The following RSAD2 variants were observed in gnomAD, a reference collection of about 807,000 sequenced individuals.
The protein encoded by RSAD2 is S-adenosylmethionine-dependent nucleotide dehydratase RSAD2.
In RSAD2, 38 loss-of-function variants were observed where a neutral mutation model predicts 37.7. The observed-to-expected ratio is 1.01, with a 90% CI of 0.78 to 1.32. The LOEUF (loss-of-function observed/expected upper bound fraction) is 1.32, where lower values mean the gene tolerates loss of function less well. Ranked by LOEUF, RSAD2 falls within the 40% of genes most tolerant of loss-of-function variation. The probability of loss-of-function intolerance (pLI) is 0.00; values close to 1 mark genes in which losing one functional copy is unlikely to be tolerated. For missense variants in RSAD2, 428 were observed against 437.5 expected (o/e 0.98, Z 0.19); for synonymous variants, 163 against 157.4 (o/e 1.04, Z -0.27).
chr2:6,882,458 AC>A (rs1271567661), intron 1 of RSAD2, among the ~76,000 whole-genome samples: 2 of 152,134 alleles, frequency 1.3e-5, no homozygotes, highest in African/African-American at 2.4e-5. Flanking sequence ...CCAAAATGAG[AC>A]CAAAAAATCA....
Position 6,896,844 on chromosome 2 carries a change from T to A in RSAD2, c.*902T>A, listed in dbSNP as rs1384147615. 1 of 152,222 alleles carries A rather than the reference T, an allele frequency of 6.6e-6. No homozygotes were observed. Among genetic ancestry groups the A allele is most frequent in the Non-Finnish European group, 1.5e-5 (1 of 68,054 alleles). 9.4% of individuals were successfully genotyped at this position (152,222 alleles called of 1,614,324 possible). On this transcript the variant is annotated 3_prime_UTR_variant, in exon 6 of 6. Coordinates refer to ENST00000382040, the MANE Select transcript of RSAD2 (RefSeq NM_080657.5). ...TGGAGGCAGTGCTTGCATTGCTTTG[T>A]TCGCCTATCATCTGGCCACATGAGG...
In RSAD2 at chr2:6,866,372, T is replaced by TCTCACCTGTGCACTCA. The variant is rs1454539491; in HGVS notation, c.142+341_142+356dup. On this transcript the variant is annotated intron_variant, in intron 1 of 5. Coordinates refer to the RSAD2 transcript ENST00000442639. ...TGGCTCTTCCCTCTCCTGTATCTTA[T>TCTCACCTGTGCACTCA]CTCACCTGTGCACTCACTCACCTGT... 9 of 908,364 alleles carry TCTCACCTGTGCACTCA rather than the reference T, an allele frequency of 9.9e-6. No homozygotes were observed. The African/African-American group carries it at 1.4e-4, about 14-fold the overall frequency. 56.3% of individuals were successfully genotyped at this position (908,364 alleles called of 1,614,324 possible). A position where few individuals can be genotyped will look rare whatever the true frequency, so the allele number is the denominator to read the frequency against.
intron 1 of RSAD2, chr2:6,879,095 T>C: frequency 2.2e-6 from 1 of 455,868 alleles, no homozygotes; most frequent in South Asian, 1.5e-5. Context: ...GATCCTGTAC[T>C]TTATATAAAT....
At chr2:6,885,951 C>T (rs73156071) in intron 2 of RSAD2, among the ~76,000 whole-genome samples, 1,605 of 152,028 alleles carry the variant, frequency 0.011, 21 homozygotes, top group Middle Eastern at 0.031. Flanking sequence ...ATTTTGAGGG[C>T]GTATGTTACA....
At chr2:6,888,991 G>A (rs910752056) in intron 3 of RSAD2, among the ~76,000 whole-genome samples, 5 of 152,334 alleles carry the variant, frequency 3.3e-5, no homozygotes, top group African/African-American at 1.2e-4. Flanking sequence ...AGCAGCATGG[G>A]AGGAGAGGGC....
intron 1 of RSAD2, among the ~76,000 whole-genome samples, chr2:6,881,203 G>A (rs1393966040): frequency 6.6e-6 from 1 of 152,126 alleles, no homozygotes; most frequent in Non-Finnish European, 1.5e-5. Context: ...AGGTAATTAT[G>A]TTTTGTTTTG....
chr2:6,886,847 C>T, intron 2 of RSAD2, 88 bp from the exon 3 acceptor site: 1 of 906,624 alleles, frequency 1.1e-6, no homozygotes, highest in Non-Finnish European at 1.7e-6. Flanking sequence ...AAAATTTAAA[C>T]AAGATATATT....
At chr2:6,877,714 A>G (rs570400176), upstream of RSAD2, 22 of 960,904 alleles carry the variant, frequency 2.3e-5, no homozygotes, top group Non-Finnish European at 3.2e-5. Flanking sequence ...CCCCAATGAC[A>G]GGTTGCTCAG....
intron 1 of RSAD2, among the ~76,000 whole-genome samples, chr2:6,868,071 A>G (rs1663136175): frequency 6.6e-6 from 1 of 152,194 alleles, no homozygotes; most frequent in African/African-American, 2.4e-5. Context: ...GCAGGCTGGG[A>G]AGATACTTCA....
At chr2:6,867,453 T>C (rs151097286) in intron 1 of RSAD2, among the ~76,000 whole-genome samples, 1 of 152,344 alleles carries the variant, frequency 6.6e-6, no homozygotes, top group Non-Finnish European at 1.5e-5. Flanking sequence ...GGGCCCATCA[T>C]AATGTTCTCA....
In RSAD2 at chr2:6,887,020, GA is replaced by G; in HGVS notation, c.596del (p.Asn199ThrfsTer9). 1 of 1,614,206 alleles carries G rather than the reference GA, an allele frequency of 6.2e-7. No homozygotes were observed. The highest frequency in any genetic ancestry group is 1.1e-5 in the South Asian group (1 of 91,088). ...VLIGRGQGKK[N>X]HVENLQKLRR... is the part of the protein sequence containing the mutation. ...TTATTGGCCGTGGCCAAGGAAAGAA[GA>G]ACCATGTGGAAAACCTTCAAAAGCT... is the stretch of plus-strand genomic sequence containing the variant. On this transcript the variant is annotated frameshift_variant, in exon 3 of 6. Transcript: ENST00000382040. LOFTEE classifies it high-confidence loss of function.
At chr2:6,890,520 T>C (rs922057879) in intron 4 of RSAD2, among the ~76,000 whole-genome samples, 195 bp downstream of exon 4, 3 of 152,050 alleles carry the variant, frequency 2.0e-5, no homozygotes, top group Non-Finnish European at 4.4e-5. Context: ...TGCAGGGTCT[T>C]TAGAGAGCTT....
chr2:6,893,834 A>G, intron 5 of RSAD2, 131 bp downstream of exon 5: 1 of 648,688 alleles, frequency 1.5e-6, no homozygotes, highest in Non-Finnish European at 2.7e-6. Flanking sequence ...ACAGTTTGAT[A>G]GTCAGTGATT....
At chr2:6,881,856 T>C (rs1663410785) in intron 1 of RSAD2, among the ~76,000 whole-genome samples, 1 of 151,684 alleles carries the variant, frequency 6.6e-6, no homozygotes, top group Non-Finnish European at 1.5e-5. Flanking sequence ...CAGGCAGGTG[T>C]GTAATGCATA....
In RSAD2 at chr2:6,883,487, G is replaced by A. The variant is rs372182001; in HGVS notation, c.463G>A (p.Val155Met). ...GTTGCGGCTGCCCAGCGTGAGCATC[G>A]TGAGCAATGGAAGCCTGATCCGGGA... is the stretch of plus-strand genomic sequence containing the variant. ...VELRLPSVSI[V>M]SNGSLIRERW... The change falls in exon 2 of 6, where the codon GTG (valine) becomes ATG (methionine). Residue 155 changes from valine (V) to methionine (M), a missense_variant. Coordinates refer to ENST00000382040, the MANE Select transcript of RSAD2 (RefSeq NM_080657.5). 38 of 1,614,010 alleles carry A rather than the reference G, an allele frequency of 2.4e-5. No individual in the cohort carries two copies. Among genetic ancestry groups the A allele is most frequent in the Non-Finnish European group, 3.1e-5 (36 of 1,180,044 alleles).
intron 5 of RSAD2, among the ~76,000 whole-genome samples, chr2:6,894,700 G>A (rs1268603660): frequency 6.6e-6 from 1 of 152,162 alleles, no homozygotes; most frequent in African/African-American, 2.4e-5. Flanking sequence ...TAACACTTGG[G>A]CCTCCCCAGA....
Position 6,866,044 on chromosome 2 carries a change from A to G in RSAD2, c.141A>G (p.Gln47=), listed in dbSNP as rs1164863085. 6 of 346,882 alleles carry G rather than the reference A, an allele frequency of 1.7e-5. No homozygotes were observed. In the South Asian group the frequency reaches 2.0e-4, roughly 11 times the overall value. The allele number at this position is 346,882 out of a possible 1,614,324, so 21.5% of individuals were successfully genotyped here. Reference sequence around the variant, plus strand: ...ATGAGGCCCCGCGCCGTCGGCCCCAAGGTAGCTCCGTGTGCGTTCTGCGGG... The same window carrying G: ...ATGAGGCCCCGCGCCGTCGGCCCCAGGGTAGCTCCGTGTGCGTTCTGCGGG... Residue 47 remains glutamine, a splice_region_variant and synonymous_variant, in exon 1 of 6, where the codon CAA becomes CAG. Transcript: ENST00000442639.
At chr2:6,893,725 T>TA (rs770571808) in intron 5 of RSAD2, 22 bp downstream of exon 5, 4 of 1,536,998 alleles carry the variant, frequency 2.6e-6, no homozygotes, top group Non-Finnish European at 2.7e-6. Flanking sequence ...CAATGAGTTA[T>TA]AAAATTAAAA....
At position 6,877,794 on chromosome 2, in the gene RSAD2, T is replaced by G. The variant is rs1663311836; in HGVS notation, c.-7T>G. The G allele has an allele frequency of 6.2e-7, 1 of 1,610,812 alleles. No homozygotes were observed. Among genetic ancestry groups the G allele is most frequent in the African/African-American group, 1.3e-5 (1 of 74,826 alleles). ...CAGAGACTGCTCTGCTCCAGGCATC[T>G]GCCACAATGTGGGTGCTTACACCTG... is the stretch of plus-strand genomic sequence containing the variant. On this transcript the variant is annotated 5_prime_UTR_variant, in exon 1 of 6. Transcript: ENST00000382040.
Sources: allele counts gnomAD v4.1 joint callset (sites outside exome capture counted in the v4.1 genomes callset), GRCh38; gene constraint gnomAD v4.1.1; transcripts MANE v1.5; gene names NCBI Gene and HGNC (gene_info 2026-07-23, HGNC 2026-07-21).